Variants in KLC4 observed in about 807,000 individuals in gnomAD.
KLC4 encodes kinesin light chain 4.
In KLC4, 49 loss-of-function variants were observed where a neutral mutation model predicts 77.2. That is an observed-to-expected ratio of 0.63 (90% confidence interval 0.50 to 0.80). The LOEUF is 0.80. Ranked by LOEUF, KLC4 falls within the 30% of genes least tolerant of loss-of-function variation. KLC4 has a pLI of 0.00. For missense variants in KLC4, 669 were observed against 793.5 expected (o/e 0.84, Z 1.89); for synonymous variants, 274 against 314.5 (o/e 0.87, Z 1.36).
intron 7 of KLC4, 52 bp downstream of exon 7, chr6:43,070,507 A>G (rs1453319703): frequency 5.4e-6 from 8 of 1,475,148 alleles, no homozygotes; most frequent in African/African-American, 4.2e-5. Context: ...CCTTCTCTAC[A>G]TGGCTCCTCT....
At chr6:43,066,862 C>A in intron 5 of KLC4, 134 bp from the exon 6 acceptor site, 2 of 1,316,134 alleles carry the variant, frequency 1.5e-6, no homozygotes, top group African/African-American at 1.5e-5. Context: ...AGCCCCCTTA[C>A]TGTCCACGCC....
chr6:43,068,387 A>G (rs1269230795), intron 6 of KLC4, among the ~76,000 whole-genome samples: 1 of 151,676 alleles, frequency 6.6e-6, no homozygotes, highest in Non-Finnish European at 1.5e-5. Flanking sequence ...CAGGAGAATC[A>G]CTCGAAACCA....
chr6:43,061,303 C>G lies in KLC4; in HGVS notation c.-25-8C>G. On this transcript the variant is annotated splice_region_variant and splice_polypyrimidine_tract_variant and intron_variant, in intron 1 of 15. Transcript: ENST00000347162. ...TTACACCAGCTGAACTCTGTTGTTT[C>G]TCCCTAGACCGGGCAAGGTCCCCCA... 1 of 1,607,118 alleles carries G rather than the reference C, an allele frequency of 6.2e-7. No homozygotes were observed. The highest frequency in any genetic ancestry group is 8.5e-7 in the Non-Finnish European group (1 of 1,176,400).
intron 6 of KLC4, among the ~76,000 whole-genome samples, chr6:43,068,645 T>TAA (rs919851193): frequency 6.8e-6 from 1 of 147,960 alleles, no homozygotes; most frequent in Non-Finnish European, 1.5e-5. Flanking sequence ...CCGTCTCTAC[T>TAA]AAAAAAAAAA....
rs755249195 is a variant in KLC4 at position 43,072,238 on chromosome 6, CTGCGGTCCCGGAGACAGG to C, written c.1473_1488+2del. ...TGCTGAGACCCTGGAGGAATGTGCC[CTGCGGTCCCGGAGACAGG>C]TCAGAAGCCCAGAGGGGAAGGAGGT... On this transcript the variant is annotated splice_donor_variant and coding_sequence_variant, in exon 12 of 16. Coordinates refer to ENST00000347162, the MANE Select transcript of KLC4 (RefSeq NM_201521.3). LOFTEE classifies it high-confidence loss of function. 1 of 1,613,978 alleles carries C rather than the reference CTGCGGTCCCGGAGACAGG, an allele frequency of 6.2e-7. No individual in the cohort carries two copies. The highest frequency in any genetic ancestry group is 8.5e-7 in the Non-Finnish European group (1 of 1,179,908).
At position 43,066,358 on chromosome 6, in the gene KLC4, A is replaced by G. The variant is rs1190736092; in HGVS notation, c.624A>G (p.Pro208=). The G allele has an allele frequency of 2.5e-6, 4 of 1,614,090 alleles. No individual in the cohort carries two copies. The Admixed American group carries it at 6.7e-5, about 27-fold the overall frequency. Reference sequence around the variant, plus strand: ...CTCAGCAGGGTGGATATGAGATCCCAGCAAGGTTGCGGACGTTGCACAACC... The same window carrying G: ...CTCAGCAGGGTGGATATGAGATCCCGGCAAGGTTGCGGACGTTGCACAACC... ...TAAQQGGYEI[P]ARLRTLHNLV... Residue 208 remains proline, a synonymous_variant, in exon 5 of 16, where the codon CCA becomes CCG. Transcript: ENST00000347162.
In KLC4 at chr6:43,066,950, G is replaced by C. The variant is rs757643271; in HGVS notation, c.792-46G>C. 7 of 1,585,892 alleles carry C rather than the reference G, an allele frequency of 4.4e-6. No individual in the cohort carries two copies. The East Asian group carries it at 1.1e-4, about 26-fold the overall frequency. ...TCCAAAGGGAAGGAGGGAAGGAGAA[G>C]GCTTGCGGGTTCAGGGTAACTCCTG... On this transcript the variant is annotated intron_variant, in intron 5 of 15. Coordinates refer to ENST00000347162, the MANE Select transcript of KLC4 (RefSeq NM_201521.3).
intron 3 of KLC4, 105 bp downstream of exon 3, chr6:43,063,252 A>G: frequency 1.3e-6 from 1 of 759,622 alleles, no homozygotes; most frequent in Non-Finnish European, 2.1e-6. Context: ...GCTCTACCCA[A>G]CCTGCTCTCA....
In KLC4 at chr6:43,071,632, A is replaced by T; in HGVS notation, c.1308+13A>T. ...GGAAATGAGCAAAGTGAGTGGGGGG[A>T]AGGGGGGCCAGCCTGGGGAGCTCAA... On this transcript the variant is annotated intron_variant, in intron 10 of 15. Coordinates refer to ENST00000347162, the MANE Select transcript of KLC4 (RefSeq NM_201521.3). 6.2e-7 allele frequency: 1 copy of T among 1,612,426 alleles called. No homozygotes were observed. The highest frequency in any genetic ancestry group is 1.1e-5 in the South Asian group (1 of 90,936).
chr6:43,065,747 G>C (rs941965274), intron 4 of KLC4, 46 bp downstream of exon 4: 8 of 1,364,388 alleles, frequency 5.9e-6, no homozygotes, highest in African/African-American at 4.3e-5. Flanking sequence ...GCAGCAGGAG[G>C]CTGGCCCTAG....
chr6:43,068,198 G>A (rs1765546297), intron 6 of KLC4, among the ~76,000 whole-genome samples: 1 of 151,586 alleles, frequency 6.6e-6, no homozygotes, highest in African/African-American at 2.4e-5. Flanking sequence ...CAAGGGTCGG[G>A]CACAGTGGCT....
chr6:43,072,830 G>T lies in KLC4; in HGVS notation c.1495G>T (p.Asp499Tyr), dbSNP rs1765796113. Residue 499 changes from aspartate to tyrosine, a missense_variant, in exon 13 of 16, where the codon GAC (aspartate) becomes TAC (tyrosine). By Grantham distance (160) the Asp-to-Tyr change is radical (BLOSUM62 -3). Coordinates refer to ENST00000347162, the MANE Select transcript of KLC4 (RefSeq NM_201521.3). ...TCCTTCCTTTTCCTTCCAGGGCACT[G>T]ACCCTATCAGCCAGACGAAGGTGGC... is the stretch of plus-strand genomic sequence containing the variant. The part of the protein sequence containing the change: ...CALRSRRQGT[D>Y]PISQTKVAEL... The T allele has an allele frequency of 6.2e-7, 1 of 1,613,818 alleles. No individual in the cohort carries two copies. The highest frequency in any genetic ancestry group is 1.1e-5 in the South Asian group (1 of 91,066).
chr6:43,064,737 T>C (rs1765329140), intron 3 of KLC4, among the ~76,000 whole-genome samples: 1 of 152,170 alleles, frequency 6.6e-6, no homozygotes, highest in African/African-American at 2.4e-5. Context: ...AGTGAGTAGA[T>C]GAATTGCATA....
In KLC4 at chr6:43,063,097, C is replaced by G. The variant is rs745759670; in HGVS notation, c.439C>G (p.Leu147Val). Residue 147 changes from leucine to valine, a missense_variant, in exon 3 of 16, where the codon CTG becomes GTG. Coordinates refer to ENST00000347162, the MANE Select transcript of KLC4 (RefSeq NM_201521.3). ...VAQLEEEKKHLEFLGQLRQYD... is the reference protein window; with the variant it reads ...VAQLEEEKKHVEFLGQLRQYD... ...TCAGCTGGAGGAGGAAAAGAAGCAC[C>G]TGGAGTTCCTGGGGCAGCTGCGGCA... 1.9e-6 allele frequency: 3 copies of G among 1,614,210 alleles called. No homozygotes were observed. Among genetic ancestry groups the G allele is most frequent in the Admixed American group, 3.3e-5 (2 of 60,028 alleles).
chr6:43,065,613 C>G lies in KLC4; in HGVS notation c.490-7C>G. 6.2e-7 allele frequency: 1 copy of G among 1,610,622 alleles called. No homozygotes were observed. The highest frequency in any genetic ancestry group is 1.1e-5 in the South Asian group (1 of 90,986). On this transcript the variant is annotated splice_region_variant and splice_polypyrimidine_tract_variant and intron_variant, in intron 3 of 15. Transcript: ENST00000347162. Reference sequence around the variant, plus strand: ...TTGGCCCTTATATGTTGCTTCTTCCCTTCCAGGAGGAGAAAGAAGGCGATG... The same window carrying G: ...TTGGCCCTTATATGTTGCTTCTTCCGTTCCAGGAGGAGAAAGAAGGCGATG...
At chr6:43,060,375 G>T in intron 1 of KLC4, 9 of 1,367,376 alleles carry the variant, frequency 6.6e-6, no homozygotes, top group Non-Finnish European at 6.8e-6. Context: ...AAGGAGACGG[G>T]AATTGGGCGT....
In KLC4 at chr6:43,074,768, G is replaced by A. The variant is rs1293112647; in HGVS notation, c.*96G>A. Reference sequence around the variant, plus strand: ...CTGGCTCTTCCCCACCCCTAGGTGGGACAGTGAAGGGGAGCAGTTTAACCA... The same window carrying A: ...CTGGCTCTTCCCCACCCCTAGGTGGAACAGTGAAGGGGAGCAGTTTAACCA... On this transcript the variant is annotated 3_prime_UTR_variant, in exon 16 of 16. Transcript: ENST00000347162. The A allele has an allele frequency of 2.0e-6, 2 of 1,005,164 alleles. No homozygotes were observed. The highest frequency in any genetic ancestry group is 3.2e-6 in the Non-Finnish European group (2 of 630,290). The allele number at this position is 1,005,164 out of a possible 1,614,324, so 62.3% of individuals were successfully genotyped here.
chr6:43,072,111 TTCTC>T (rs761360803), intron 11 of KLC4, 32 bp from the exon 12 acceptor site: 7 of 1,558,394 alleles, frequency 4.5e-6, no homozygotes. Context: ...TCTGAACTCA[TTCTC>T]TCTTCCTTCT....
chr6:43,067,720 G>A (rs538017831), intron 6 of KLC4, among the ~76,000 whole-genome samples: 184 of 150,438 alleles, frequency 1.2e-3, no homozygotes, highest in African/African-American at 3.7e-3. Flanking sequence ...GCGTGAACCC[G>A]GGAGGCGGAG....
Sources: gnomAD v4.1 joint callset for allele counts (sites outside exome capture counted in the v4.1 genomes callset) on GRCh38, gnomAD v4.1.1 for gene constraint, MANE v1.5 for transcripts, NCBI Gene and HGNC (gene_info 2026-07-23, HGNC 2026-07-21) for gene names.